The following DGLUCY variants were observed in gnomAD, a reference collection of about 807,000 sequenced individuals.
DGLUCY encodes the protein D-glutamate cyclase.
In DGLUCY, 58 loss-of-function variants were observed where a neutral mutation model predicts 58.5. The observed-to-expected ratio is 0.99, with a 90% CI of 0.80 to 1.23. DGLUCY has a LOEUF of 1.23. Among genes scored for constraint, DGLUCY ranks in the 50% most tolerant of loss-of-function variants. The probability of loss-of-function intolerance (pLI) is 0.00; values close to 1 mark genes in which losing one functional copy is unlikely to be tolerated. For missense variants in DGLUCY, 779 were observed against 784.7 expected (o/e 0.99, Z 0.09); for synonymous variants, 325 against 314.1 (o/e 1.03, Z -0.37).
chr14:91,074,139 A>ACACACACACACACACC, intron 1 of DGLUCY, among the ~76,000 whole-genome samples: 1 of 144,222 alleles, frequency 6.9e-6, no homozygotes, highest in Admixed American at 7.0e-5. Flanking sequence ...ACACACACAC[A>ACACACACACACACACC]CACACACACA....
chr14:91,172,013 G>GA (rs1038866344), intron 5 of DGLUCY, among the ~76,000 whole-genome samples: 4 of 151,896 alleles, frequency 2.6e-5, no homozygotes, highest in Non-Finnish European at 4.4e-5. Flanking sequence ...TATTGGATGG[G>GA]AAAAAAAGTA....
At chr14:91,207,780 C>T (rs962063973) in intron 12 of DGLUCY, among the ~76,000 whole-genome samples, 3 of 150,530 alleles carry the variant, frequency 2.0e-5, no homozygotes, top group Admixed American at 2.0e-4. Context: ...GAGTTTCACT[C>T]TTGTTGCCGA....
intron 1 of DGLUCY, among the ~76,000 whole-genome samples, chr14:91,085,563 G>GTT (rs869263434): frequency 0.014 from 1,709 of 125,620 alleles, 41 homozygotes; most frequent in African/African-American, 0.048. Context: ...TTTTTTTTTT[G>GTT]TTTTTTTTTT....
At chr14:91,204,861 A>G (rs1884270936) in intron 12 of DGLUCY, 36 bp downstream of exon 12, 7 of 1,612,858 alleles carry the variant, frequency 4.3e-6, no homozygotes, top group Non-Finnish European at 5.9e-6. Flanking sequence ...CCGGCCGGCT[A>G]CCCAGGGTGA....
At chr14:91,138,151 C>T (rs2046446677) in intron 1 of DGLUCY, among the ~76,000 whole-genome samples, 1 of 152,104 alleles carries the variant, frequency 6.6e-6, no homozygotes, top group Admixed American at 6.6e-5. Context: ...GGTAGTGTCC[C>T]CTGCCTATCT....
At chr14:91,177,148 G>A (rs561072431) in intron 7 of DGLUCY, among the ~76,000 whole-genome samples, 5 of 152,016 alleles carry the variant, frequency 3.3e-5, no homozygotes, top group East Asian at 1.9e-4. Flanking sequence ...ACAGGCATAC[G>A]CCGCCATACC....
intron 1 of DGLUCY, among the ~76,000 whole-genome samples, chr14:91,142,840 A>AACACACAC (rs558892923): frequency 0.013 from 1,614 of 124,286 alleles, 17 homozygotes; most frequent in Admixed American, 0.019. Context: ...ATCTCTACTA[A>AACACACAC]ACACACACAC....
chr14:91,220,288 T>C (rs558174514), intron 13 of DGLUCY, among the ~76,000 whole-genome samples: 5 of 152,368 alleles, frequency 3.3e-5, no homozygotes, highest in Admixed American at 6.5e-5. Context: ...GATCTACTTT[T>C]TGGGTGATTG....
chr14:91,159,956 A>G (rs943024662), intron 2 of DGLUCY, among the ~76,000 whole-genome samples: 4 of 152,200 alleles, frequency 2.6e-5, no homozygotes, highest in African/African-American at 9.7e-5. Context: ...CTCCTGGCCA[A>G]GGAGCCCAGC....
At chr14:91,141,692 C>T (rs1341328926) in intron 1 of DGLUCY, among the ~76,000 whole-genome samples, 3 of 148,966 alleles carry the variant, frequency 2.0e-5, no homozygotes, top group Non-Finnish European at 4.5e-5. Flanking sequence ...GCTGGGATTA[C>T]AGGCATGCAC....
intron 9 of DGLUCY, among the ~76,000 whole-genome samples, chr14:91,193,843 G>GAAA (rs76724762): frequency 9.8e-6 from 1 of 102,458 alleles, no homozygotes; most frequent in African/African-American, 3.3e-5. Context: ...TTCCATCTTA[G>GAAA]AAAAAAAAAA....
chr14:91,214,888 T>A (rs1209019633), intron 12 of DGLUCY, among the ~76,000 whole-genome samples: 2 of 152,142 alleles, frequency 1.3e-5, no homozygotes, highest in African/African-American at 4.8e-5. Context: ...CAGTGGCTCA[T>A]GCCTGTAATC....
chr14:91,189,189 T>G lies in DGLUCY; in HGVS notation c.1195+19T>G. The G allele has an allele frequency of 1.2e-6, 2 of 1,612,784 alleles. No homozygotes were observed. The highest frequency in any genetic ancestry group is 1.7e-6 in the Non-Finnish European group (2 of 1,178,974). On this transcript the variant is annotated intron_variant, in intron 9 of 13. Transcript: ENST00000256324. ...GAGCAAGGTAAGCAGTGAGATGGGC[T>G]TGGTCCATTTCCCCAAACGGGCTTT... is the stretch of plus-strand genomic sequence containing the variant.
chr14:91,096,577 TGG>T (rs1477205288), intron 1 of DGLUCY, among the ~76,000 whole-genome samples: 1 of 152,180 alleles, frequency 6.6e-6, no homozygotes, highest in African/African-American at 2.4e-5. Context: ...TGAAATTGCC[TGG>T]GGACTGACCA....
chr14:91,160,967 A>G (rs1181294778), intron 3 of DGLUCY, among the ~76,000 whole-genome samples: 1 of 152,238 alleles, frequency 6.6e-6, no homozygotes, highest in Admixed American at 6.5e-5. Context: ...AGCACCATCT[A>G]AAGTACTAGA....
intron 1 of DGLUCY, among the ~76,000 whole-genome samples, chr14:91,140,058 G>A (rs2046566824): frequency 6.6e-6 from 1 of 152,230 alleles, no homozygotes; most frequent in African/African-American, 2.4e-5. Context: ...CCTTTTATGT[G>A]TAGCTATCTG....
chr14:91,177,432 AT>A, intron 7 of DGLUCY, among the ~76,000 whole-genome samples: 1 of 152,358 alleles, frequency 6.6e-6, no homozygotes, highest in Non-Finnish European at 1.5e-5. Context: ...AAGCCAAGAA[AT>A]ATAACTAAAC....
chr14:91,182,873 C>G (rs1168896945), intron 8 of DGLUCY, among the ~76,000 whole-genome samples: 2 of 148,828 alleles, frequency 1.3e-5, no homozygotes, highest in African/African-American at 5.1e-5. Flanking sequence ...GTGGGATCCC[C>G]TAGGGGACCT....
At chr14:91,176,477 G>C (rs1317693207) in intron 7 of DGLUCY, among the ~76,000 whole-genome samples, 1 of 152,106 alleles carries the variant, frequency 6.6e-6, no homozygotes, top group Admixed American at 6.6e-5. Context: ...GCCCACCTTT[G>C]CCTCCCACAG....
Sources: allele counts gnomAD v4.1 joint callset (sites outside exome capture counted in the v4.1 genomes callset), GRCh38; gene constraint gnomAD v4.1.1; transcripts MANE v1.5; gene names NCBI Gene and HGNC (gene_info 2026-07-23, HGNC 2026-07-21).